Variants in CHRNE observed in about 807,000 individuals in gnomAD.
The protein encoded by CHRNE is acetylcholine receptor subunit epsilon.
Under a neutral mutation model 56.5 loss-of-function variants are expected in CHRNE, and 58 were observed. The observed-to-expected ratio is 1.03, with a 90% CI of 0.83 to 1.28. The LOEUF (loss-of-function observed/expected upper bound fraction) is 1.28, where lower values mean the gene tolerates loss of function less well. Among genes scored for constraint, CHRNE ranks in the 50% most tolerant of loss-of-function variants. The pLI, the probability that CHRNE is intolerant of heterozygous loss-of-function variation, is 0.00. For missense variants in CHRNE, 793 were observed against 688.9 expected, an observed-to-expected ratio of 1.15 and a Z score of -1.69; for synonymous variants, 385 against 297.9, an observed-to-expected ratio of 1.29 and a Z score of -3.01.
chr17:4,899,501 G>A lies in CHRNE; in HGVS notation c.999C>T (p.Pro333=), dbSNP rs769677038. 7 of 1,602,644 alleles carry A rather than the reference G, an allele frequency of 4.4e-6. No homozygotes were observed. The highest frequency in any genetic ancestry group is 6.0e-6 in the Non-Finnish European group (7 of 1,175,914). ...GCCGCGGGGACATGGCGTGGGTGGT[G>A]GGCGTCCGCTGGGACACGTTGAGCA... is the stretch of plus-strand genomic sequence containing the variant. ...VIVLNVSQRT[P]TTHAMSPRLR... is the part of the protein sequence containing the mutation. Residue 333 remains proline, a synonymous_variant, in exon 9 of 12, where the codon CCC becomes CCT. Coordinates refer to ENST00000649488, the MANE Select transcript of CHRNE (RefSeq NM_000080.4).
chr17:4,901,187 T>C lies in CHRNE; in HGVS notation c.605A>G (p.Asn202Ser). The change falls in exon 7 of 12, where the codon AAC becomes AGC. Residue 202 changes from asparagine to serine, a missense_variant. Asn to Ser is a conservative substitution (Grantham distance 46, BLOSUM62 1). Coordinates refer to ENST00000649488, the MANE Select transcript of CHRNE (RefSeq NM_000080.4). ...IDIDTEAYTE[N>S]GEWAIDFCPG... ...GCAGAAGTCGATGGCCCACTCGCCG[T>C]TCTCTGCGGGACGGGGGCACGGTCA... is the stretch of plus-strand genomic sequence containing the variant. 6.2e-7 allele frequency: 1 copy of C among 1,603,814 alleles called. No individual in the cohort carries two copies.
chr17:4,898,874 C>G lies in CHRNE; in HGVS notation c.1344G>C (p.Val448=), dbSNP rs143098859. 1.3e-5 allele frequency: 21 copies of G among 1,583,298 alleles called. No homozygotes were observed. The African/African-American group carries it at 2.7e-4, about 20-fold the overall frequency. Residue 448 remains valine, a synonymous_variant, in exon 12 of 12, where the codon GTG becomes GTC. Transcript: ENST00000649488. ...EATGEEVSDW[V]RMGNALDNIC... Reference sequence around the variant, plus strand: ...TGTTGTCAAGGGCATTCCCCATGCGCACCCAGTCGGACACTTCCTGGGGAA... The same window carrying G: ...TGTTGTCAAGGGCATTCCCCATGCGGACCCAGTCGGACACTTCCTGGGGAA...
rs77966333 is a variant in CHRNE at position 4,898,302 on chromosome 17, G to A, written c.*434C>T. On this transcript the variant is annotated 3_prime_UTR_variant, in exon 12 of 12. Coordinates refer to ENST00000649488, the MANE Select transcript of CHRNE (RefSeq NM_000080.4). Reference sequence around the variant, plus strand: ...CACTGAAGGTGTTTGGTTCCCACCCGCTCCAGCAGAGCCAGACCAGGGAAG... The same window carrying A: ...CACTGAAGGTGTTTGGTTCCCACCCACTCCAGCAGAGCCAGACCAGGGAAG... 1.8e-5 allele frequency: 5 copies of A among 278,780 alleles called. No individual in the cohort carries two copies. Among genetic ancestry groups the A allele is most frequent in the Non-Finnish European group, 2.8e-5 (4 of 141,472 alleles). The allele number at this position is 278,780 out of a possible 1,614,324, so 17.3% of individuals were successfully genotyped here.
intron 8 of CHRNE, 61 bp from the exon 9 acceptor site, chr17:4,899,643 C>G: frequency 2.0e-6 from 3 of 1,465,048 alleles, no homozygotes; most frequent in Non-Finnish European, 2.8e-6. Flanking sequence ...AGGCGCCGCG[C>G]GCTGACCTCA....
chr17:4,902,142 C>G lies in CHRNE; in HGVS notation c.345-55G>C, dbSNP rs72835061. On this transcript the variant is annotated intron_variant, in intron 4 of 11. Coordinates refer to ENST00000649488, the MANE Select transcript of CHRNE (RefSeq NM_000080.4). The surrounding 1 kb of genome is among the most constrained non-coding windows in gnomAD (Gnocchi z 4.0). ...CACAGGTCTGCACCCTCTCAGAGTACCCCCTTCCCCAACCAAGTCCAGCCC... is the reference window on the plus strand; with the variant it reads ...CACAGGTCTGCACCCTCTCAGAGTAGCCCCTTCCCCAACCAAGTCCAGCCC... The G allele has an allele frequency of 6.2e-7, 1 of 1,613,690 alleles. No individual in the cohort carries two copies. Among genetic ancestry groups the G allele is most frequent in the Non-Finnish European group, 8.5e-7 (1 of 1,179,792 alleles).
At position 4,898,164 on chromosome 17, in the gene CHRNE, G is replaced by T; in HGVS notation, c.*572C>A. Reference sequence around the variant, plus strand: ...CAGGGTGGGCTGGGATCTGCAATGAGTGAGCCTCATGGGGTGGGATGGGCA... The same window carrying T: ...CAGGGTGGGCTGGGATCTGCAATGATTGAGCCTCATGGGGTGGGATGGGCA... On this transcript the variant is annotated 3_prime_UTR_variant, in exon 12 of 12. Transcript: ENST00000649488. The T allele has an allele frequency of 5.8e-6, 1 of 172,730 alleles. No individual in the cohort carries two copies. Among genetic ancestry groups the T allele is most frequent in the Non-Finnish European group, 1.3e-5 (1 of 79,030 alleles). The allele number at this position is 172,730 out of a possible 1,614,324, so 10.7% of individuals were successfully genotyped here. A position where few individuals can be genotyped will look rare whatever the true frequency, so the allele number is the denominator to read the frequency against.
Position 4,902,420 on chromosome 17 carries a change from A to T in CHRNE, c.234+30T>A, listed in dbSNP as rs747504680. 1.9e-5 allele frequency: 31 copies of T among 1,614,046 alleles called. No homozygotes were observed. Among genetic ancestry groups the T allele is most frequent in the Non-Finnish European group, 1.9e-5 (22 of 1,179,982 alleles). ...GGGGAAAAGGGGTGCCCTGGACAAG[A>T]CCTCACACCATTCCCCAGATTTGAC... On this transcript the variant is annotated intron_variant, in intron 3 of 11. Transcript: ENST00000649488. The surrounding 1 kb of genome is among the most constrained non-coding windows in gnomAD (Gnocchi z 4.0).
upstream of CHRNE, among the ~76,000 whole-genome samples, chr17:4,906,286 TA>T (rs2151100791): frequency 6.6e-6 from 1 of 152,278 alleles, no homozygotes; most frequent in Admixed American, 6.5e-5. Context: ...ACATGTCTGG[TA>T]ATTCACCCTC....
rs761643342 is a variant in CHRNE, at chr17:4,901,568, G to C, written c.558C>G (p.Gly186=). ...VEFTFAVDND[G]KTINKIDIDT... is the part of the protein sequence containing the mutation. ...CGATGTCGATCTTGTTGATGGTCTT[G>C]CCGTCGTTGTCTACGGCAAAAGTGA... Residue 186 remains glycine, a synonymous_variant, in exon 6 of 12, where the codon GGC becomes GGG. Coordinates refer to ENST00000649488, the MANE Select transcript of CHRNE (RefSeq NM_000080.4). 6.2e-7 allele frequency: 1 copy of C among 1,614,184 alleles called. No individual in the cohort carries two copies. The highest frequency in any genetic ancestry group is 1.1e-5 in the South Asian group (1 of 91,086).
Position 4,898,391 on chromosome 17 carries a change from T to TA in CHRNE, c.*344dup. 2.7e-6 allele frequency: 1 copy of TA among 370,776 alleles called. No individual in the cohort carries two copies. Among genetic ancestry groups the TA allele is most frequent in the Non-Finnish European group, 5.2e-6 (1 of 193,792 alleles). The allele number at this position is 370,776 out of a possible 1,614,324, so 23.0% of individuals were successfully genotyped here. A position where few individuals can be genotyped will look rare whatever the true frequency, so the allele number is the denominator to read the frequency against. ...CCTGCAAAGGGGTCTCCTGTTTGGC[T>TA]ATGAAATGAATATAGATAGATAGCT... On this transcript the variant is annotated 3_prime_UTR_variant, in exon 12 of 12. Coordinates refer to ENST00000649488, the MANE Select transcript of CHRNE (RefSeq NM_000080.4).
At position 4,898,374 on chromosome 17, in the gene CHRNE, G is replaced by A. The variant is rs2151092542; in HGVS notation, c.*362C>T. The A allele has an allele frequency of 1.2e-5, 4 of 346,760 alleles. No homozygotes were observed. The East Asian group carries it at 2.2e-4, about 19-fold the overall frequency. 21.5% of individuals were successfully genotyped at this position (346,760 alleles called of 1,614,324 possible). Reference sequence around the variant, plus strand: ...CCTCCCTGTGTGCAAGTCCTGCAAAGGGGTCTCCTGTTTGGCTATGAAATG... The same window carrying A: ...CCTCCCTGTGTGCAAGTCCTGCAAAAGGGTCTCCTGTTTGGCTATGAAATG... On this transcript the variant is annotated 3_prime_UTR_variant, in exon 12 of 12. Coordinates refer to ENST00000649488, the MANE Select transcript of CHRNE (RefSeq NM_000080.4).
In CHRNE at chr17:4,902,933, C is replaced by T; in HGVS notation, c.46+85G>A. The T allele has an allele frequency of 6.3e-7, 1 of 1,594,098 alleles. No individual in the cohort carries two copies. Among genetic ancestry groups the T allele is most frequent in the East Asian group, 2.2e-5 (1 of 44,762 alleles). On this transcript the variant is annotated intron_variant, in intron 1 of 11. Transcript: ENST00000649488. This position sits in a 1 kb window ranked among gnomAD's most constrained non-coding sequence, Gnocchi z 4.0. ...GAACGAAATACTGTGTCTAAGTCTC[C>T]ATCTTGGTCTCTGTCTTTGTCTTCC...
At chr17:4,900,359 T>C (rs987905719) in intron 8 of CHRNE, 3 of 1,548,430 alleles carry the variant, frequency 1.9e-6, no homozygotes, top group African/African-American at 2.7e-5. Flanking sequence ...GGCAGGGGGT[T>C]CGGCAAGCTG....
intron 5 of CHRNE, 49 bp downstream of exon 5, chr17:4,901,883 G>GGC (rs1555546931): frequency 8.2e-7 from 1 of 1,214,838 alleles, no homozygotes; most frequent in Non-Finnish European, 1.2e-6. Context: ...CGCCCCATAA[G>GGC]GCCCCCCCCC....
At position 4,898,983 on chromosome 17, in the gene CHRNE, C is replaced by T; in HGVS notation, c.1326+18G>A. 1.3e-6 allele frequency: 2 copies of T among 1,570,970 alleles called. No individual in the cohort carries two copies. The highest frequency in any genetic ancestry group is 1.2e-5 in the South Asian group (1 of 84,538). On this transcript the variant is annotated intron_variant, in intron 11 of 11. Coordinates refer to ENST00000649488, the MANE Select transcript of CHRNE (RefSeq NM_000080.4). ...TGGGCCTCTGCCTCGCTCCACCCGCCTCTGGCTCCTGTCCCACCTCGCCGG... is the reference window on the plus strand; with the variant it reads ...TGGGCCTCTGCCTCGCTCCACCCGCTTCTGGCTCCTGTCCCACCTCGCCGG...
chr17:4,903,961 G>A (rs889743986), upstream of CHRNE, among the ~76,000 whole-genome samples: 2 of 152,114 alleles, frequency 1.3e-5, no homozygotes, highest in Admixed American at 1.3e-4. Flanking sequence ...GGGTTCAAGC[G>A]ATTCTCCTGC....
rs1597611527 is a variant in CHRNE at position 4,898,407 on chromosome 17, A to G, written c.*329T>C. On this transcript the variant is annotated 3_prime_UTR_variant, in exon 12 of 12. Transcript: ENST00000649488. ...CTGTTTGGCTATGAAATGAATATAGATAGATAGCTCACAAGCTGGCAGCCA... is the reference window on the plus strand; with the variant it reads ...CTGTTTGGCTATGAAATGAATATAGGTAGATAGCTCACAAGCTGGCAGCCA... The G allele has an allele frequency of 1.2e-5, 5 of 419,924 alleles. 1 individual carries two copies. In the East Asian group the frequency reaches 1.5e-4, roughly 13 times the overall value. 26.0% of individuals were successfully genotyped at this position (419,924 alleles called of 1,614,324 possible). A position where few individuals can be genotyped will look rare whatever the true frequency, so the allele number is the denominator to read the frequency against.
intron 6 of CHRNE, 100 bp from the exon 7 acceptor site, chr17:4,901,290 T>TG: frequency 7.3e-7 from 1 of 1,373,880 alleles, no homozygotes; most frequent in Non-Finnish European, 1.0e-6. Context: ...ACCAGGGTCA[T>TG]GGGCCGTCAG....
chr17:4,902,370 C>T lies in CHRNE; in HGVS notation c.235-44G>A. 6.2e-7 allele frequency: 1 copy of T among 1,613,490 alleles called. No individual in the cohort carries two copies. Among genetic ancestry groups the T allele is most frequent in the African/African-American group, 1.3e-5 (1 of 75,046 alleles). ...AAGGCCGCGTGCCCTGCATCTCCCA[C>T]CTGGCGCTGCCTGGGAGGGGTTTGG... On this transcript the variant is annotated intron_variant, in intron 3 of 11. Transcript: ENST00000649488. The surrounding 1 kb of genome is among the most constrained non-coding windows in gnomAD (Gnocchi z 4.0).
Sources: gnomAD v4.1 joint callset for allele counts (sites outside exome capture counted in the v4.1 genomes callset) on GRCh38, gnomAD v4.1.1 for gene constraint, Gnocchi (gnomAD v3.1) non-coding constraint, MANE v1.5 for transcripts, NCBI Gene and HGNC (gene_info 2026-07-23, HGNC 2026-07-21) for gene names.